Variants in FMN1 observed in about 807,000 individuals in gnomAD.
FMN1 encodes the protein formin-1.
FMN1 carries 110 observed loss-of-function variants against 132.4 expected under a neutral mutation model. The observed-to-expected ratio is 0.83, with a 90% CI of 0.71 to 0.97. FMN1 has a LOEUF of 0.97. Among genes scored for constraint, FMN1 ranks in the 50% least tolerant of loss-of-function variants. FMN1 has a pLI of 0.00. For synonymous variants in FMN1, 722 were observed against 651.7 expected (o/e 1.11, Z -1.64); for missense variants, 1,792 against 1,705.3 (o/e 1.05, Z -0.90).
At chr15:33,149,626 G>A (rs552424048) in intron 4 of FMN1, among the ~76,000 whole-genome samples, 1 of 152,288 alleles carries the variant, frequency 6.6e-6, no homozygotes, top group African/African-American at 2.4e-5. Flanking sequence ...CATACTTTAT[G>A]TCAACTTAAT....
chr15:32,775,910 C>T (rs1213863456), intron 20 of FMN1, among the ~76,000 whole-genome samples: 4 of 152,056 alleles, frequency 2.6e-5, no homozygotes, highest in Non-Finnish European at 4.4e-5. Context: ...TTGAAAAATC[C>T]GAGAGAGGAG....
intron 4 of FMN1, among the ~76,000 whole-genome samples, chr15:33,102,216 G>C (rs538548078): frequency 2.0e-3 from 298 of 152,168 alleles, no homozygotes; most frequent in Non-Finnish European, 3.2e-3. Flanking sequence ...CTGTGTCTTT[G>C]TAAGTATTAC....
intron 9 of FMN1, among the ~76,000 whole-genome samples, chr15:32,933,955 G>A (rs2061190705): frequency 6.6e-6 from 1 of 152,044 alleles, no homozygotes. Flanking sequence ...TTTTGACTGA[G>A]AAATTTTCTC....
chr15:32,921,128 G>T (rs2060810747), intron 10 of FMN1, among the ~76,000 whole-genome samples: 1 of 152,178 alleles, frequency 6.6e-6, no homozygotes, highest in Non-Finnish European at 1.5e-5. Flanking sequence ...AAGGAAATAA[G>T]AGTATTAAAT....
At chr15:33,012,621 T>G in intron 6 of FMN1, 1 of 961,920 alleles carries the variant, frequency 1.0e-6, no homozygotes, top group Non-Finnish European at 1.7e-6. Context: ...AATACCACAC[T>G]GCAAATGACC....
chr15:32,894,855 A>T (rs373649535), intron 15 of FMN1, among the ~76,000 whole-genome samples: 1 of 108,410 alleles, frequency 9.2e-6, no homozygotes, highest in Admixed American at 9.9e-5. Context: ...TATTCTGTGT[A>T]TTTATATTTA....
chr15:33,018,731 G>C (rs765207462), intron 6 of FMN1, among the ~76,000 whole-genome samples: 1 of 152,176 alleles, frequency 6.6e-6, no homozygotes, highest in Non-Finnish European at 1.5e-5. Flanking sequence ...TAAAGGTGGC[G>C]TGTCCGGAGT....
intron 19 of FMN1, among the ~76,000 whole-genome samples, chr15:32,780,713 G>C (rs142915967): frequency 1.3e-5 from 2 of 152,160 alleles, no homozygotes; most frequent in African/African-American, 4.8e-5. Context: ...GGCAACCACA[G>C]AAGGGACTAT....
At chr15:32,977,670 C>A (rs911615409) in intron 7 of FMN1, among the ~76,000 whole-genome samples, 2 of 152,158 alleles carry the variant, frequency 1.3e-5, no homozygotes, top group African/African-American at 4.8e-5. Flanking sequence ...ACTCTCGTAT[C>A]ACTTTGTTTC....
At chr15:33,015,527 CAT>C (rs1261719192) in intron 6 of FMN1, among the ~76,000 whole-genome samples, 8 of 152,312 alleles carry the variant, frequency 5.3e-5, no homozygotes, top group African/African-American at 1.9e-4. Flanking sequence ...CACACACGCA[CAT>C]GACATGGGCA....
At position 33,067,001 on chromosome 15, in the gene FMN1, AT is replaced by A. The variant is rs2037764649; in HGVS notation, c.2044-1928del. The A allele has an allele frequency of 3.1e-6, 5 of 1,613,830 alleles. No homozygotes were observed. In the South Asian group the frequency reaches 4.4e-5, roughly 14 times the overall value. Reference sequence around the variant, plus strand: ...CCCATCCTTTGGTTTAATTTCCGTGATGGTCTCTCCTCCCTCAGCGGTAGCC... The same window carrying A: ...CCCATCCTTTGGTTTAATTTCCGTGAGGTCTCTCCTCCCTCAGCGGTAGCC... On this transcript the variant is annotated intron_variant, in intron 5 of 20. Coordinates refer to ENST00000616417, the MANE Select transcript of FMN1 (RefSeq NM_001277313.2).
intron 17 of FMN1, among the ~76,000 whole-genome samples, chr15:32,839,132 T>C (rs1453251175): frequency 6.6e-6 from 1 of 151,972 alleles, no homozygotes; most frequent in Non-Finnish European, 1.5e-5. Context: ...TGCCCCCAGA[T>C]CAAAGCCAAG....
intron 16 of FMN1, among the ~76,000 whole-genome samples, chr15:32,874,425 T>C (rs1280118696): frequency 6.6e-6 from 1 of 152,116 alleles, no homozygotes; most frequent in Admixed American, 6.6e-5. Flanking sequence ...AAAAATTAGA[T>C]GTTTGTAATT....
intron 6 of FMN1, among the ~76,000 whole-genome samples, chr15:33,056,620 T>C (rs34053978): frequency 0.017 from 2,645 of 152,228 alleles, 37 homozygotes; most frequent in Non-Finnish European, 0.024. Context: ...AACCTTAAGG[T>C]TGAACTTAAA....
chr15:32,883,555 G>A (rs1435607507), intron 16 of FMN1, among the ~76,000 whole-genome samples: 1 of 119,638 alleles, frequency 8.4e-6, no homozygotes, highest in African/African-American at 3.0e-5. Flanking sequence ...ATGAGATCAA[G>A]CGGTAAGTAA....
chr15:32,956,935 C>T (rs577913007), intron 9 of FMN1, among the ~76,000 whole-genome samples: 4 of 152,142 alleles, frequency 2.6e-5, no homozygotes, highest in African/African-American at 9.7e-5. Flanking sequence ...TTGAGAATTA[C>T]AGCTATGATC....
At chr15:33,077,423 G>T (rs1220333009) in intron 5 of FMN1, among the ~76,000 whole-genome samples, 10 of 146,326 alleles carry the variant, frequency 6.8e-5, no homozygotes, top group African/African-American at 2.3e-4. Flanking sequence ...ATGCAGGTTT[G>T]TTACATATGT....
intron 6 of FMN1, among the ~76,000 whole-genome samples, chr15:33,027,497 T>G (rs1010504457): frequency 1.3e-5 from 2 of 152,192 alleles, no homozygotes; most frequent in African/African-American, 4.8e-5. Context: ...GGGGACTACA[T>G]TTGCACACAG....
Position 32,957,838 on chromosome 15 carries a change from T to C in FMN1, c.3138+6269A>G, listed in dbSNP as rs868466952. 2.6e-5 allele frequency among the ~76,000 whole-genome samples: 4 copies of C among 152,098 alleles called. No individual in the cohort carries two copies. The South Asian group carries it at 8.3e-4, about 32-fold the overall frequency. On this transcript the variant is annotated intron_variant, in intron 9 of 20. Transcript: ENST00000616417. ...AAGGTTAAATGACTTTTTCTGAATGTTACGAAAGAAAAAAATAAGAGATAG... is the reference window on the plus strand; with the variant it reads ...AAGGTTAAATGACTTTTTCTGAATGCTACGAAAGAAAAAAATAAGAGATAG...
Sources: gnomAD v4.1 joint callset for allele counts (sites outside exome capture counted in the v4.1 genomes callset) on GRCh38, gnomAD v4.1.1 for gene constraint, MANE v1.5 for transcripts, NCBI Gene and HGNC (gene_info 2026-07-23, HGNC 2026-07-21) for gene names.